MYRIP: variants seen among roughly 807,000 people sequenced by gnomAD.
The protein encoded by MYRIP is myosin VIIA and Rab interacting protein, also known as rab effector MyRIP.
A neutral mutation model predicts 98.0 loss-of-function variants in MYRIP; 49 were observed. The ratio of observed to expected loss-of-function variants is 0.50; its 90% confidence interval spans 0.40 to 0.63. The LOEUF (loss-of-function observed/expected upper bound fraction) is 0.63, where lower values mean the gene tolerates loss of function less well. MYRIP is among the 30% of genes least tolerant of loss of function. The pLI, the probability that MYRIP is intolerant of heterozygous loss-of-function variation, is 0.00. For missense variants in MYRIP, 1,004 were observed against 1,058.2 expected, an observed-to-expected ratio of 0.95 and a Z score of 0.71; for synonymous variants, 404 against 409.5, an observed-to-expected ratio of 0.99 and a Z score of 0.16.
intron 2 of MYRIP, among the ~76,000 whole-genome samples, chr3:39,989,562 C>T (rs1946118158): frequency 6.6e-6 from 1 of 152,248 alleles, no homozygotes; most frequent in Non-Finnish European, 1.5e-5. Context: ...GGGCGTGCTT[C>T]ACTGGGGGGA....
intron 13 of MYRIP, among the ~76,000 whole-genome samples, chr3:40,244,948 G>C (rs1203380762): frequency 6.6e-6 from 1 of 152,096 alleles, no homozygotes; most frequent in Non-Finnish European, 1.5e-5. Context: ...TCACACTGTT[G>C]ATTACTTATT....
chr3:40,166,611 GA>G (rs1950505059), intron 5 of MYRIP, among the ~76,000 whole-genome samples: 1 of 152,130 alleles, frequency 6.6e-6, no homozygotes, highest in South Asian at 2.1e-4. Context: ...GAGGGAGGAG[GA>G]ATGAGATTGC....
intron 10 of MYRIP, among the ~76,000 whole-genome samples, chr3:40,208,476 T>C (rs1244235532): frequency 1.3e-5 from 2 of 152,178 alleles, no homozygotes; most frequent in African/African-American, 2.4e-5. Flanking sequence ...AGTCACACTC[T>C]CTATGTCTTC....
At chr3:40,086,340 G>T (rs140369958) in intron 3 of MYRIP, among the ~76,000 whole-genome samples, 114 of 152,300 alleles carry the variant, frequency 7.5e-4, no homozygotes, top group African/African-American at 2.7e-3. Context: ...AGTAACCTCA[G>T]TTACTCTTGG....
intron 15 of MYRIP, 78 bp downstream of exon 15, chr3:40,250,577 T>C: frequency 6.6e-7 from 1 of 1,511,438 alleles, no homozygotes. Context: ...GAGACCTGAG[T>C]TTGAGAATTA....
chr3:39,821,538 A>G (rs1380804692), intron 1 of MYRIP, among the ~76,000 whole-genome samples: 1 of 151,886 alleles, frequency 6.6e-6, no homozygotes, highest in African/African-American at 2.4e-5. Context: ...TTAAATTTAC[A>G]TGATTAATTC....
At chr3:39,955,934 C>A (rs944043856) in intron 2 of MYRIP, among the ~76,000 whole-genome samples, 1 of 152,012 alleles carries the variant, frequency 6.6e-6, no homozygotes, top group Non-Finnish European at 1.5e-5. Flanking sequence ...ACAAACAAGG[C>A]CATTATATAA....
intron 2 of MYRIP, among the ~76,000 whole-genome samples, chr3:39,951,584 C>T (rs1308186920): frequency 6.6e-6 from 1 of 152,092 alleles, no homozygotes; most frequent in Non-Finnish European, 1.5e-5. Flanking sequence ...GGCTATCTTT[C>T]AATAAACTTT....
chr3:40,025,146 C>T (rs764642388), intron 2 of MYRIP, among the ~76,000 whole-genome samples: 1 of 152,140 alleles, frequency 6.6e-6, no homozygotes, highest in Non-Finnish European at 1.5e-5. Flanking sequence ...AGTGAGGTTC[C>T]TGTAGCCTTA....
intron 10 of MYRIP, among the ~76,000 whole-genome samples, chr3:40,196,057 C>T (rs1257573643): frequency 6.6e-6 from 1 of 152,018 alleles, no homozygotes; most frequent in African/African-American, 2.4e-5. Flanking sequence ...TTTCTCTGCA[C>T]TATAGTTATG....
intron 3 of MYRIP, among the ~76,000 whole-genome samples, chr3:40,056,785 C>T (rs1002873512): frequency 3.9e-5 from 6 of 152,058 alleles, no homozygotes; most frequent in Non-Finnish European, 8.8e-5. Context: ...AAATCCATAG[C>T]GCATTATAAA....
At chr3:39,927,588 G>A (rs1488504842) in intron 2 of MYRIP, among the ~76,000 whole-genome samples, 2 of 151,960 alleles carry the variant, frequency 1.3e-5, no homozygotes, top group Non-Finnish European at 2.9e-5. Context: ...TGCACCAGAT[G>A]GATTCACAGC....
chr3:40,139,684 A>G (rs544242298), intron 3 of MYRIP, among the ~76,000 whole-genome samples: 1 of 152,134 alleles, frequency 6.6e-6, no homozygotes, highest in African/African-American at 2.4e-5. Context: ...GTCTCAAGCA[A>G]TCCTCCTGCT....
At chr3:39,916,471 C>T (rs910888122) in intron 2 of MYRIP, among the ~76,000 whole-genome samples, 1 of 151,388 alleles carries the variant, frequency 6.6e-6, no homozygotes, top group Non-Finnish European at 1.5e-5. Flanking sequence ...AAAATAGATA[C>T]CCCCCAAACA....
chr3:40,203,487 G>T (rs923932534), intron 10 of MYRIP, among the ~76,000 whole-genome samples: 3 of 151,316 alleles, frequency 2.0e-5, no homozygotes, highest in African/African-American at 7.3e-5. Flanking sequence ...TCAATGAGAT[G>T]AAAACCAAAA....
intron 2 of MYRIP, among the ~76,000 whole-genome samples, chr3:39,927,875 T>C (rs528554121): frequency 1.3e-5 from 2 of 152,182 alleles, no homozygotes; most frequent in South Asian, 4.1e-4. Flanking sequence ...GCACGGTTGA[T>C]TCAACATACA....
chr3:39,896,336 G>A (rs1053718473), intron 1 of MYRIP, among the ~76,000 whole-genome samples: 3 of 152,294 alleles, frequency 2.0e-5, no homozygotes, highest in Non-Finnish European at 2.9e-5. Context: ...CCTGTGCATC[G>A]GTCAGGGGTG....
chr3:40,160,931 C>A (rs1021028567), intron 4 of MYRIP, among the ~76,000 whole-genome samples: 1 of 152,178 alleles, frequency 6.6e-6, no homozygotes, highest in Non-Finnish European at 1.5e-5. Flanking sequence ...GAACCTGGTA[C>A]CTCAGATGGA....
chr3:39,878,580 G>GTATA (rs374344762), intron 1 of MYRIP, among the ~76,000 whole-genome samples: 1 of 151,452 alleles, frequency 6.6e-6, no homozygotes, highest in Non-Finnish European at 1.5e-5. Context: ...ACACAGAGGT[G>GTATA]TATATATATA....
Sources: gnomAD v4.1 joint callset for allele counts (sites outside exome capture counted in the v4.1 genomes callset) on GRCh38, gnomAD v4.1.1 for gene constraint, MANE v1.5 for transcripts, NCBI Gene and HGNC (gene_info 2026-07-23, HGNC 2026-07-21) for gene names.